TRHDE: variants seen among roughly 807,000 people sequenced by gnomAD.
TRHDE encodes the protein thyrotropin releasing hormone degrading enzyme.
In TRHDE, 72 loss-of-function variants were observed where a neutral mutation model predicts 125.7. The ratio of observed to expected loss-of-function variants is 0.57; its 90% CI spans 0.47 to 0.70. The LOEUF (loss-of-function observed/expected upper bound fraction) is 0.70, where lower values mean the gene tolerates loss of function less well. TRHDE is among the 30% of genes least tolerant of loss of function. The pLI is 0.00. For synonymous variants in TRHDE, 509 were observed against 509.1 expected (o/e 1.00, Z 0.00); for missense variants, 1,110 against 1,327.1 (o/e 0.84, Z 2.54).
chr12:72,165,679 ATT>A (rs57114088), intron 2 of TRHDE, among the ~76,000 whole-genome samples: 1 of 145,368 alleles, frequency 6.9e-6, no homozygotes. Context: ...TGAGAAATGC[ATT>A]TTTTTTTTTT....
intron 2 of TRHDE, among the ~76,000 whole-genome samples, chr12:72,163,403 A>G (rs549501459): frequency 1.3e-5 from 2 of 152,342 alleles, no homozygotes; most frequent in Admixed American, 6.5e-5. Context: ...TACCACATCC[A>G]TAGCCAGTCA....
At chr12:72,428,276 A>T (rs1312762288) in intron 3 of TRHDE, among the ~76,000 whole-genome samples, 1 of 152,066 alleles carries the variant, frequency 6.6e-6, no homozygotes, top group African/African-American at 2.4e-5. Flanking sequence ...ATATTGTAAG[A>T]TTTGGATATA....
chr12:72,618,642 T>A (rs1345758284), intron 12 of TRHDE, among the ~76,000 whole-genome samples: 6 of 152,296 alleles, frequency 3.9e-5, no homozygotes, highest in Non-Finnish European at 7.4e-5. Flanking sequence ...CATAATTCCT[T>A]ACTTTTAAAA....
chr12:72,630,854 A>G (rs1334556161), intron 15 of TRHDE, among the ~76,000 whole-genome samples: 1 of 149,962 alleles, frequency 6.7e-6, no homozygotes, highest in East Asian at 2.0e-4. Context: ...ATGAAATAGA[A>G]TAATATATGG....
chr12:72,146,870 C>T (rs182186141), intron 2 of TRHDE, among the ~76,000 whole-genome samples: 2 of 152,182 alleles, frequency 1.3e-5, no homozygotes, highest in African/African-American at 4.8e-5. Flanking sequence ...AGAATGAGTG[C>T]AAGTTTTTAT....
At chr12:72,469,364 T>A (rs2135896810) in intron 3 of TRHDE, among the ~76,000 whole-genome samples, 1 of 152,304 alleles carries the variant, frequency 6.6e-6, no homozygotes, top group African/African-American at 2.4e-5. Flanking sequence ...AATATTGGGG[T>A]AAATGTAAGA....
Position 72,656,944 on chromosome 12 carries a change from T to G in TRHDE, c.3002T>G (p.Phe1001Cys). 1.2e-6 allele frequency: 2 copies of G among 1,610,018 alleles called. No individual in the cohort carries two copies. The highest frequency in any genetic ancestry group is 1.7e-6 in the Non-Finnish European group (2 of 1,177,220). ...ILNTRYGEAL[F>C]MNSKLISGVT... ...CTTTTGAGGTATGGAGAAGCATTGT[T>G]TATGAATTCCAAACTCATCAGTGGT... Residue 1001 changes from phenylalanine to cysteine, a missense_variant, in exon 18 of 19, where the codon TTT (phenylalanine) becomes TGT (cysteine). This residue lies in a region of TRHDE where 527 missense variants were observed against 651.8 expected (regional missense o/e 0.81). Transcript: ENST00000261180.
Position 72,558,170 on chromosome 12 carries a change from C to T in TRHDE, c.1789-3995C>T, listed in dbSNP as rs547554412. ...GGATTTTACAGGCTGTGTGAACAGT[C>T]AAACTAATAAACAGGCACCTATGAC... is the stretch of plus-strand genomic sequence containing the variant. On this transcript the variant is annotated intron_variant, in intron 7 of 18. Transcript: ENST00000261180. 1.2e-4 allele frequency among the ~76,000 whole-genome samples: 18 copies of T among 152,110 alleles called. No individual in the cohort carries two copies. In the East Asian group the frequency reaches 3.1e-3, roughly 26 times the overall value.
chr12:72,378,260 T>C (rs373605790), intron 3 of TRHDE, 139 bp downstream of exon 3: 7 of 854,778 alleles, frequency 8.2e-6, no homozygotes, highest in African/African-American at 5.2e-5. Context: ...AAAAAAAATT[T>C]CTTTTGAAGA....
At chr12:72,178,378 A>T (rs1877030961) in intron 2 of TRHDE, among the ~76,000 whole-genome samples, 1 of 152,142 alleles carries the variant, frequency 6.6e-6, no homozygotes, top group African/African-American at 2.4e-5. Flanking sequence ...TTAAAATTCC[A>T]AAAGAAATAA....
rs58045175 is a variant in TRHDE, at chr12:72,456,128, TACACACACACACACACAC to T, written c.1316-13598_1316-13581del. The stretch of plus-strand genomic sequence containing the variant: ...ATATTATATAAATATAATATGTAAT[TACACACACACACACACAC>T]ACACACACACACACACACACACACA... On this transcript the variant is annotated intron_variant, in intron 3 of 18. Transcript: ENST00000261180. 3.6e-4 allele frequency among the ~76,000 whole-genome samples: 48 copies of T among 134,824 alleles called. 1 individual carries two copies. Among genetic ancestry groups the T allele is most frequent in the Middle Eastern group, 3.8e-3 (1 of 264 alleles). 88.4% of individuals were successfully genotyped at this position (134,824 alleles called of 152,430 possible).
intron 2 of TRHDE, among the ~76,000 whole-genome samples, chr12:72,130,306 T>G (rs1875831536): frequency 6.6e-6 from 1 of 152,006 alleles, no homozygotes. Context: ...AAAACAAAAG[T>G]CTTACCCAGG....
chr12:72,478,108 C>A (rs1242688073), intron 5 of TRHDE, among the ~76,000 whole-genome samples: 5 of 152,114 alleles, frequency 3.3e-5, no homozygotes, highest in Non-Finnish European at 7.4e-5. Flanking sequence ...GTTCAGTCTG[C>A]AAAATAACTC....
chr12:72,173,393 G>T (rs1187480770), intron 2 of TRHDE, among the ~76,000 whole-genome samples: 1 of 152,174 alleles, frequency 6.6e-6, no homozygotes, highest in African/African-American at 2.4e-5. Flanking sequence ...ACATTAGAGA[G>T]AAATGGCACA....
intron 6 of TRHDE, among the ~76,000 whole-genome samples, chr12:72,524,357 G>T (rs1157748104): frequency 1.3e-5 from 2 of 152,108 alleles, no homozygotes; most frequent in Non-Finnish European, 2.9e-5. Flanking sequence ...TCATGTATGA[G>T]TAAATTCAAC....
chr12:72,596,419 G>A (rs1871943381), intron 12 of TRHDE, among the ~76,000 whole-genome samples: 1 of 152,054 alleles, frequency 6.6e-6, no homozygotes, highest in Non-Finnish European at 1.5e-5. Context: ...TTTTGCACTA[G>A]ATATATACAA....
intron 12 of TRHDE, among the ~76,000 whole-genome samples, chr12:72,591,632 G>GTTTTTTTTTTTTTT (rs71071842): frequency 2.4e-5 from 3 of 125,430 alleles, no homozygotes; most frequent in African/African-American, 6.4e-5. Flanking sequence ...AAGGATATGG[G>GTTTTTTTTTTTTTT]TTTTTTTTTT....
chr12:72,421,419 C>T (rs550319889), intron 3 of TRHDE, among the ~76,000 whole-genome samples: 7 of 152,114 alleles, frequency 4.6e-5, no homozygotes, highest in Non-Finnish European at 7.4e-5. Flanking sequence ...TCTCTCCATG[C>T]GGTTTGACTT....
intron 3 of TRHDE, among the ~76,000 whole-genome samples, chr12:72,446,585 C>T (rs1166321064): frequency 5.3e-5 from 8 of 152,000 alleles, no homozygotes; most frequent in Admixed American, 4.6e-4. Context: ...AGAGTCAAGA[C>T]CCATCAGTGT....
Sources: gnomAD v4.1 joint callset for allele counts (sites outside exome capture counted in the v4.1 genomes callset) on GRCh38, gnomAD v4.1.1 for gene constraint, gnomAD v4.1.1 regional missense constraint, MANE v1.5 for transcripts, NCBI Gene and HGNC (gene_info 2026-07-23, HGNC 2026-07-21) for gene names.